The following ATP8A1 variants were observed in gnomAD, a reference collection of about 807,000 sequenced individuals.
ATP8A1 encodes the protein ATPase phospholipid transporting 8A1, also known as phospholipid-transporting ATPase IA.
ATP8A1 carries 90 observed loss-of-function variants against 177.7 expected under a neutral mutation model. The observed-to-expected ratio is 0.51, with a 90% CI of 0.43 to 0.60. The LOEUF (loss-of-function observed/expected upper bound fraction) is 0.60. Among genes scored for constraint, ATP8A1 ranks in the 20% least tolerant of loss-of-function variants. The probability of loss-of-function intolerance (pLI) is 0.00; values close to 1 mark genes in which losing one functional copy is unlikely to be tolerated. For missense variants in ATP8A1, 1,072 were observed against 1,392.8 expected (o/e 0.77, Z 3.67); for synonymous variants, 493 against 485.9 (o/e 1.01, Z -0.19).
chr4:42,465,079 G>A lies in ATP8A1; in HGVS notation c.2325-3C>T. Reference sequence around the variant, plus strand: ...CAGATTTTTGAAGAGGAGAAACCCTGAAATTGAAACACATTATCAATTACT... The same window carrying A: ...CAGATTTTTGAAGAGGAGAAACCCTAAAATTGAAACACATTATCAATTACT... On this transcript the variant is annotated splice_region_variant and splice_polypyrimidine_tract_variant and intron_variant, in intron 25 of 36. Coordinates refer to ENST00000381668, the MANE Select transcript of ATP8A1 (RefSeq NM_006095.2). 2 of 1,607,044 alleles carry A rather than the reference G, an allele frequency of 1.2e-6. No homozygotes were observed. Among genetic ancestry groups the A allele is most frequent in the South Asian group, 1.1e-5 (1 of 90,188 alleles).
chr4:42,514,027 C>T (rs1033591145), intron 22 of ATP8A1, among the ~76,000 whole-genome samples: 13 of 152,180 alleles, frequency 8.5e-5, no homozygotes, highest in African/African-American at 2.9e-4. Context: ...AGACCTAACA[C>T]CTTCTTTCCT....
intron 21 of ATP8A1, 127 bp downstream of exon 21, chr4:42,524,636 A>C: frequency 1.9e-6 from 1 of 524,192 alleles, no homozygotes; most frequent in South Asian, 3.5e-5. Flanking sequence ...GTAAAATCTA[A>C]ATTGCCAACA....
At position 42,556,130 on chromosome 4, in the gene ATP8A1, G is replaced by A. The variant is rs1036347304; in HGVS notation, c.1341-90C>T. On this transcript the variant is annotated intron_variant, in intron 15 of 36. Coordinates refer to ENST00000381668, the MANE Select transcript of ATP8A1 (RefSeq NM_006095.2). ...ATGTACTTTATGAGTAAAGTGTTAT[G>A]TCTCCAAACCCTCAATAAATTAAAT... The A allele has an allele frequency of 8.3e-6, 7 of 841,872 alleles. No homozygotes were observed. In the African/African-American group the frequency reaches 1.0e-4, roughly 13 times the overall value. The allele number at this position is 841,872 out of a possible 1,614,324, so 52.2% of individuals were successfully genotyped here.
At chr4:42,453,640 C>T (rs1718170530) in intron 29 of ATP8A1, among the ~76,000 whole-genome samples, 1 of 152,180 alleles carries the variant, frequency 6.6e-6, no homozygotes, top group Non-Finnish European at 1.5e-5. Context: ...TGTGCCTTTG[C>T]AGGAATGATT....
intron 20 of ATP8A1, among the ~76,000 whole-genome samples, chr4:42,539,586 T>A (rs1026914488): frequency 3.3e-5 from 5 of 152,088 alleles, no homozygotes; most frequent in Non-Finnish European, 7.4e-5. Context: ...AACAACATGG[T>A]ATTGGTACAA....
chr4:42,578,461 A>G, intron 11 of ATP8A1, 74 bp from the exon 12 acceptor site: 2 of 1,532,480 alleles, frequency 1.3e-6, no homozygotes, highest in Non-Finnish European at 1.8e-6. Context: ...TTAGCATAAT[A>G]CAAGTTTTCC....
intron 10 of ATP8A1, among the ~76,000 whole-genome samples, chr4:42,580,580 G>C (rs1732931993): frequency 6.6e-6 from 1 of 152,134 alleles, no homozygotes; most frequent in African/African-American, 2.4e-5. Context: ...AAAATCCATA[G>C]AACAGAAAAT....
At chr4:42,594,691 G>A (rs1220938966) in intron 6 of ATP8A1, among the ~76,000 whole-genome samples, 1 of 151,976 alleles carries the variant, frequency 6.6e-6, no homozygotes, top group Non-Finnish European at 1.5e-5. Flanking sequence ...TTATCCTATT[G>A]AAGAAAATCT....
At chr4:42,555,802 C>A (rs547501367) in intron 16 of ATP8A1, among the ~76,000 whole-genome samples, 166 bp downstream of exon 16, 30 of 151,546 alleles carry the variant, frequency 2.0e-4, no homozygotes, top group African/African-American at 5.8e-4. Context: ...CCAGCCCCAG[C>A]GACAGAGTGA....
chr4:42,508,010 T>C (rs1724628858), intron 22 of ATP8A1, among the ~76,000 whole-genome samples: 1 of 152,216 alleles, frequency 6.6e-6, no homozygotes. Context: ...TTGAATGTTT[T>C]TCACATAGTT....
At chr4:42,493,294 A>G (rs559719660) in intron 24 of ATP8A1, among the ~76,000 whole-genome samples, 3 of 152,350 alleles carry the variant, frequency 2.0e-5, no homozygotes, top group South Asian at 4.1e-4. Flanking sequence ...GATGTACAGT[A>G]TGGTAAAGAT....
chr4:42,494,204 G>A (rs961016564), intron 24 of ATP8A1, among the ~76,000 whole-genome samples: 16 of 147,886 alleles, frequency 1.1e-4, no homozygotes, highest in African/African-American at 4.0e-4. Context: ...CAGGCTTGGT[G>A]GCTCATGTCT....
At chr4:42,579,709 C>A (rs1577633206) in intron 11 of ATP8A1, 104 bp downstream of exon 11, 3 of 1,045,716 alleles carry the variant, frequency 2.9e-6, no homozygotes, top group Non-Finnish European at 4.2e-6. Context: ...ATCTTGGCAA[C>A]AAGGTCTTTT....
At chr4:42,575,736 G>T in intron 12 of ATP8A1, 37 bp from the exon 13 acceptor site, 2 of 1,536,226 alleles carry the variant, frequency 1.3e-6, no homozygotes, top group Non-Finnish European at 1.8e-6. Context: ...AACACAACTG[G>T]TAATAAGGAA....
intron 12 of ATP8A1, among the ~76,000 whole-genome samples, chr4:42,575,929 G>A (rs549353127): frequency 1.3e-5 from 2 of 152,116 alleles, no homozygotes; most frequent in Non-Finnish European, 2.9e-5. Context: ...GGTAGTTAGA[G>A]CCTGTCTATG....
Position 42,616,065 on chromosome 4 carries a change from G to A in ATP8A1, c.377C>T (p.Ala126Val), listed in dbSNP as rs751340917. ...EIIEDIKRHKADNAVNKKQTQ... is the reference protein window; with the variant it reads ...EIIEDIKRHKVDNAVNKKQTQ... ...TTGTTTCTTGTTCACTGCATTATCA[G>A]CTTTATGTCGTTTCTAAAGTTTAAA... The change falls in exon 5 of 37, where the codon GCT becomes GTT. Residue 126 changes from alanine (A) to valine (V), a missense_variant. Physicochemically the swap from Ala to Val is moderately conservative, Grantham distance 64 (BLOSUM62 0). This residue lies in a region of ATP8A1 where 344 missense variants were observed against 393.5 expected (regional missense o/e 0.87). Coordinates refer to ENST00000381668, the MANE Select transcript of ATP8A1 (RefSeq NM_006095.2). The A allele has an allele frequency of 1.2e-6, 2 of 1,611,348 alleles. No individual in the cohort carries two copies. Among genetic ancestry groups the A allele is most frequent in the Admixed American group, 3.4e-5 (2 of 59,658 alleles).
At chr4:42,496,304 G>A (rs1172031120) in intron 24 of ATP8A1, among the ~76,000 whole-genome samples, 6 of 152,138 alleles carry the variant, frequency 3.9e-5, no homozygotes, top group Non-Finnish European at 8.8e-5. Context: ...AGAGTTTTCT[G>A]GATAAAGGCT....
intron 35 of ATP8A1, among the ~76,000 whole-genome samples, chr4:42,418,310 C>T (rs1433397816): frequency 6.6e-6 from 1 of 152,004 alleles, no homozygotes; most frequent in African/African-American, 2.4e-5. Context: ...GATATGCTGG[C>T]TAATATCTAC....
chr4:42,459,564 C>A (rs1357625828), intron 27 of ATP8A1: 6 of 317,638 alleles, frequency 1.9e-5, no homozygotes, highest in African/African-American at 4.5e-5. Context: ...AATAGAAAAG[C>A]TAGATATATA....
Sources: gnomAD v4.1 joint callset for allele counts (sites outside exome capture counted in the v4.1 genomes callset) on GRCh38, gnomAD v4.1.1 for gene constraint, gnomAD v4.1.1 regional missense constraint, MANE v1.5 for transcripts, NCBI Gene and HGNC (gene_info 2026-07-23, HGNC 2026-07-21) for gene names.